UNC50: variants seen among roughly 807,000 people sequenced by gnomAD.
The protein encoded by UNC50 is unc-50 inner nuclear membrane RNA binding protein.
UNC50 carries 24 observed loss-of-function variants against 31.5 expected under a neutral mutation model. The ratio of observed to expected loss-of-function variants is 0.76; its 90% confidence interval spans 0.55 to 1.07. The LOEUF is 1.07. Ranked by LOEUF, UNC50 falls within the 50% of genes least tolerant of loss-of-function variation. UNC50 has a pLI of 0.00. For synonymous variants in UNC50, 118 were observed against 114.7 expected, an observed-to-expected ratio of 1.03 and a Z score of -0.18; for missense variants, 245 against 304.2, an observed-to-expected ratio of 0.81 and a Z score of 1.45.
intron 3 of UNC50, among the ~76,000 whole-genome samples, chr2:98,612,495 C>T (rs773173829): frequency 1.2e-4 from 18 of 151,996 alleles, no homozygotes; most frequent in Non-Finnish European, 2.2e-4. Flanking sequence ...CTGCAACCTC[C>T]GCCTCCCGGG....
At chr2:98,616,558 T>C (rs1163563369) in intron 5 of UNC50, 25 bp downstream of exon 5, 1 of 1,588,878 alleles carries the variant, frequency 6.3e-7, no homozygotes, top group African/African-American at 1.3e-5. Context: ...TAAATGTTTT[T>C]GGTTGAGAAC....
chr2:98,610,093 TTTTG>T, intron 2 of UNC50, 54 bp downstream of exon 2: 9 of 1,524,938 alleles, frequency 5.9e-6, no homozygotes, highest in Non-Finnish European at 8.0e-6. Context: ...TGATTAGATT[TTTTG>T]TTATAAATGT....
chr2:98,615,170 G>C (rs961052817), intron 3 of UNC50, among the ~76,000 whole-genome samples: 6 of 152,164 alleles, frequency 3.9e-5, no homozygotes, highest in African/African-American at 1.2e-4. Flanking sequence ...CCTTTTAATA[G>C]GGGGTTGACC....
At chr2:98,613,459 T>A (rs190904364) in intron 3 of UNC50, among the ~76,000 whole-genome samples, 3 of 152,332 alleles carry the variant, frequency 2.0e-5, no homozygotes, top group Admixed American at 6.5e-5. Context: ...CTCAGGAAAC[T>A]TATAATCATG....
At chr2:98,617,989 GCA>G (rs767510364) in intron 5 of UNC50, among the ~76,000 whole-genome samples, 177 bp from the exon 6 acceptor site, 11 of 152,188 alleles carry the variant, frequency 7.2e-5, no homozygotes, top group Admixed American at 1.3e-4. Flanking sequence ...GGAGGAAACA[GCA>G]CAGAGGGGTT....
intron 3 of UNC50, among the ~76,000 whole-genome samples, chr2:98,613,022 A>G (rs1700861684): frequency 6.6e-6 from 1 of 152,210 alleles, no homozygotes; most frequent in Non-Finnish European, 1.5e-5. Flanking sequence ...CAATACGTAA[A>G]AATTTAAAAA....
At chr2:98,610,631 C>A in intron 2 of UNC50, 144 bp from the exon 3 acceptor site, 1 of 1,061,720 alleles carries the variant, frequency 9.4e-7, no homozygotes, top group Non-Finnish European at 1.3e-6. Flanking sequence ...CGCTGTGTCC[C>A]AAGGTAGTGT....
intron 3 of UNC50, 64 bp downstream of exon 3, chr2:98,610,959 G>A: frequency 6.6e-7 from 1 of 1,526,018 alleles, no homozygotes; most frequent in South Asian, 1.3e-5. Flanking sequence ...TGCTTCAGAG[G>A]TACAATAGCA....
chr2:98,608,859 G>A lies in UNC50; in HGVS notation c.-5+133G>A, dbSNP rs942107837. 1.3e-4 allele frequency: 32 copies of A among 255,086 alleles called. 2 individuals are homozygous for A. The Admixed American group carries it at 1.5e-3, about 12-fold the overall frequency. The allele number at this position is 255,086 out of a possible 1,614,324, so 15.8% of individuals were successfully genotyped here. A position where few individuals can be genotyped will look rare whatever the true frequency, so the allele number is the denominator to read the frequency against. On this transcript the variant is annotated intron_variant, in intron 1 of 5. Coordinates refer to ENST00000357765, the MANE Select transcript of UNC50 (RefSeq NM_014044.7). ...GTCGGCGTCCGGCCCCTCGGCCGGC[G>A]ATAGAGTTGCGGCTAAAATGAAAGG...
Position 98,618,417 on chromosome 2 carries a change from T to C in UNC50, c.*113T>C, listed in dbSNP as rs1700978045. 2.5e-6 allele frequency: 3 copies of C among 1,177,748 alleles called. No homozygotes were observed. In the South Asian group the frequency reaches 7.7e-5, roughly 30 times the overall value. The allele number at this position is 1,177,748 out of a possible 1,614,324, so 73.0% of individuals were successfully genotyped here. A position where few individuals can be genotyped will look rare whatever the true frequency, so the allele number is the denominator to read the frequency against. Reference sequence around the variant, plus strand: ...TTGTAGATATCTTAAAGGTGTAAAGTTTGCAAATTTGAAGAAATATATATT... The same window carrying C: ...TTGTAGATATCTTAAAGGTGTAAAGCTTGCAAATTTGAAGAAATATATATT... On this transcript the variant is annotated 3_prime_UTR_variant, in exon 6 of 6. Coordinates refer to ENST00000357765, the MANE Select transcript of UNC50 (RefSeq NM_014044.7).
chr2:98,617,664 AG>A (rs1014311195), intron 5 of UNC50, among the ~76,000 whole-genome samples: 1 of 152,218 alleles, frequency 6.6e-6, no homozygotes, highest in Non-Finnish European at 1.5e-5. Context: ...TTTATATTTA[AG>A]AGTTTCAGTT....
chr2:98,614,442 C>G (rs1274068120), intron 3 of UNC50, among the ~76,000 whole-genome samples: 1 of 152,112 alleles, frequency 6.6e-6, no homozygotes, highest in East Asian at 1.9e-4. Flanking sequence ...CTGTTGAGTT[C>G]AGGGAGCTTC....
intron 5 of UNC50, among the ~76,000 whole-genome samples, chr2:98,617,528 A>ATAGT (rs1700948339): frequency 6.6e-6 from 1 of 151,996 alleles, no homozygotes; most frequent in Admixed American, 6.6e-5. Context: ...ACCACTTAGA[A>ATAGT]TAGTTGGAGT....
rs984459831 is a variant in UNC50 at position 98,613,462 on chromosome 2, T to C, written c.401+2567T>C. Among the ~76,000 whole-genome samples, 7 of 152,200 alleles carry C rather than the reference T, an allele frequency of 4.6e-5. No individual in the cohort carries two copies. The South Asian group carries it at 6.2e-4, about 13-fold the overall frequency. ...TGCTAGGTAGGCCTCAGGAAACTTA[T>C]AATCATGGCAGAAGGCAAAGGAGAA... On this transcript the variant is annotated intron_variant, in intron 3 of 5. Coordinates refer to ENST00000357765, the MANE Select transcript of UNC50 (RefSeq NM_014044.7).
Position 98,609,753 on chromosome 2 carries a change from T to C in UNC50, c.-4-3T>C. ...GTAAAAGAAATGTTTTTCTTCCATC[T>C]AGGAAGATGTTACCGAGTACTTCAG... On this transcript the variant is annotated splice_region_variant and splice_polypyrimidine_tract_variant and intron_variant, in intron 1 of 5. Transcript: ENST00000357765. 1 of 1,614,194 alleles carries C rather than the reference T, an allele frequency of 6.2e-7. No homozygotes were observed. The highest frequency in any genetic ancestry group is 1.3e-5 in the African/African-American group (1 of 75,080).
At chr2:98,611,506 G>A (rs1391927925) in intron 3 of UNC50, among the ~76,000 whole-genome samples, 1 of 152,184 alleles carries the variant, frequency 6.6e-6, no homozygotes, top group Non-Finnish European at 1.5e-5. Flanking sequence ...TGGGGCAGAG[G>A]AAGCAATCAG....
At chr2:98,613,883 A>T (rs1700878240) in intron 3 of UNC50, among the ~76,000 whole-genome samples, 1 of 152,258 alleles carries the variant, frequency 6.6e-6, no homozygotes, top group South Asian at 2.1e-4. Flanking sequence ...AAGCCAGCAT[A>T]AGGTGGTGGT....
rs1700755700 is a variant in UNC50, at chr2:98,608,677, G to A, written c.-54G>A. ...GGCGGCTGGGGTCGGCTGCTGGGAG[G>A]AGGTGGTGGGCTGGTTCGGACGTGG... On this transcript the variant is annotated 5_prime_UTR_variant, in exon 1 of 6. Transcript: ENST00000357765. The A allele has an allele frequency of 9.6e-6, 5 of 520,846 alleles. No homozygotes were observed. Among genetic ancestry groups the A allele is most frequent in the African/African-American group, 2.0e-5 (1 of 50,684 alleles). 32.3% of individuals were successfully genotyped at this position (520,846 alleles called of 1,614,324 possible).
intron 3 of UNC50, among the ~76,000 whole-genome samples, chr2:98,612,956 A>G (rs573573230): frequency 6.6e-6 from 1 of 152,376 alleles, no homozygotes; most frequent in Non-Finnish European, 1.5e-5. Context: ...AAGTGGGCAT[A>G]TGCTGCTGGA....
Sources: gnomAD v4.1 joint callset for allele counts (sites outside exome capture counted in the v4.1 genomes callset) on GRCh38, gnomAD v4.1.1 for gene constraint, MANE v1.5 for transcripts, NCBI Gene and HGNC (gene_info 2026-07-23, HGNC 2026-07-21) for gene names.